The following WDR70 variants were observed in gnomAD, a reference collection of about 807,000 sequenced individuals.
WDR70 encodes WD repeat-containing protein 70.
In WDR70, 53 loss-of-function variants were observed where a neutral mutation model predicts 88.6. The observed-to-expected ratio is 0.60, with a 90% CI of 0.48 to 0.75. The LOEUF (loss-of-function observed/expected upper bound fraction) is 0.75. Among genes scored for constraint, WDR70 ranks in the 30% least tolerant of loss-of-function variants. The probability of loss-of-function intolerance (pLI) is 0.00; values close to 1 mark genes in which losing one functional copy is unlikely to be tolerated. For missense variants in WDR70, 610 were observed against 823.2 expected, an observed-to-expected ratio of 0.74 and a Z score of 3.17; for synonymous variants, 280 against 270.0, an observed-to-expected ratio of 1.04 and a Z score of -0.36.
At chr5:37,586,138 C>T (rs920205282) in intron 9 of WDR70, among the ~76,000 whole-genome samples, 2 of 152,180 alleles carry the variant, frequency 1.3e-5, no homozygotes, top group Non-Finnish European at 2.9e-5. Flanking sequence ...TTCTGGCATC[C>T]TCAATTCCAT....
chr5:37,667,844 GAAAAAAAAAAAA>G (rs70978835), intron 10 of WDR70, among the ~76,000 whole-genome samples: 92 of 82,722 alleles, frequency 1.1e-3, no homozygotes, highest in African/African-American at 2.5e-3. Flanking sequence ...TGTACGATCT[GAAAAAAAAAAAA>G]AAAAAAAAAA....
In WDR70 at chr5:37,679,252, C is replaced by A. The variant is rs182907287; in HGVS notation, c.1093-18403C>A. 6.8e-3 allele frequency among the ~76,000 whole-genome samples: 1,029 copies of A among 152,312 alleles called. 15 individuals carry two copies. The highest frequency in any genetic ancestry group is 0.02 in the South Asian group (97 of 4,830). ...CAACTCGTCAGTGTCATTCTCCGTC[C>A]AGCTTTGTTCCATTGCTGGTGAGGA... On this transcript the variant is annotated intron_variant, in intron 10 of 17. Transcript: ENST00000265107.
intron 3 of WDR70, among the ~76,000 whole-genome samples, chr5:37,389,593 T>C (rs1315354008): frequency 6.6e-6 from 1 of 152,078 alleles, no homozygotes; most frequent in Non-Finnish European, 1.5e-5. Context: ...TTTGTATTTT[T>C]AGTAGAGACG....
At chr5:37,672,357 G>C (rs1248969071) in intron 10 of WDR70, among the ~76,000 whole-genome samples, 1 of 152,112 alleles carries the variant, frequency 6.6e-6, no homozygotes, top group East Asian at 1.9e-4. Flanking sequence ...AAGTCCTCTT[G>C]TGGTTGAGAT....
chr5:37,599,779 G>C (rs1743809112), intron 9 of WDR70, among the ~76,000 whole-genome samples: 2 of 151,956 alleles, frequency 1.3e-5, no homozygotes, highest in South Asian at 2.1e-4. Flanking sequence ...TGTACTCCTA[G>C]CTACTCAAGG....
At chr5:37,667,467 ATTC>A (rs1489549231) in intron 10 of WDR70, among the ~76,000 whole-genome samples, 1 of 152,230 alleles carries the variant, frequency 6.6e-6, no homozygotes, top group African/African-American at 2.4e-5. Flanking sequence ...GCCATTTAAA[ATTC>A]TTACTGAATC....
intron 7 of WDR70, among the ~76,000 whole-genome samples, chr5:37,467,532 G>A (rs1311662385): frequency 1.0e-5 from 1 of 95,568 alleles, no homozygotes; most frequent in South Asian, 5.6e-4. Flanking sequence ...TTTATCATAT[G>A]AATTTTTTTT....
chr5:37,389,307 T>A (rs1280706193), intron 3 of WDR70, among the ~76,000 whole-genome samples: 1 of 137,506 alleles, frequency 7.3e-6, no homozygotes, highest in African/African-American at 3.6e-5. Context: ...GAGACCAGGC[T>A]GGTCTCGAAC....
intron 9 of WDR70, among the ~76,000 whole-genome samples, chr5:37,581,627 G>A (rs1743219088): frequency 6.6e-6 from 1 of 152,124 alleles, no homozygotes; most frequent in Non-Finnish European, 1.5e-5. Flanking sequence ...AGCTCTCTGG[G>A]TAGGGGTAAA....
chr5:37,737,540 G>C lies in WDR70; in HGVS notation c.1877+10495G>C, dbSNP rs1748336690. 3.9e-5 allele frequency among the ~76,000 whole-genome samples: 6 copies of C among 152,210 alleles called. No individual in the cohort carries two copies. In the South Asian group the frequency reaches 1.2e-3, roughly 32 times the overall value. On this transcript the variant is annotated intron_variant, in intron 17 of 17. Coordinates refer to ENST00000265107, the MANE Select transcript of WDR70 (RefSeq NM_018034.4). ...CTTCAGCTCCGCCACCCCCTGGCGAGTTACCTTCACTGAGGCTGTTTTCCT... is the reference window on the plus strand; with the variant it reads ...CTTCAGCTCCGCCACCCCCTGGCGACTTACCTTCACTGAGGCTGTTTTCCT...
At chr5:37,591,051 G>A (rs916047893) in intron 9 of WDR70, among the ~76,000 whole-genome samples, 10 of 152,134 alleles carry the variant, frequency 6.6e-5, no homozygotes, top group Non-Finnish European at 1.2e-4. Flanking sequence ...GATTAAAAAA[G>A]GAGACCAGGT....
intron 16 of WDR70, among the ~76,000 whole-genome samples, chr5:37,725,314 C>T (rs1581529209): frequency 6.6e-6 from 1 of 151,962 alleles, no homozygotes; most frequent in African/African-American, 2.4e-5. Flanking sequence ...TAGAGTTTTC[C>T]TAGCTGGCCT....
At chr5:37,403,056 C>T (rs567374476) in intron 5 of WDR70, among the ~76,000 whole-genome samples, 120 of 145,172 alleles carry the variant, frequency 8.3e-4, no homozygotes, top group African/African-American at 1.2e-3. Context: ...AAGCCATTCT[C>T]GTGCCTCAGC....
chr5:37,441,813 G>T (rs1324207313), intron 6 of WDR70, among the ~76,000 whole-genome samples: 1 of 152,020 alleles, frequency 6.6e-6, no homozygotes, highest in Non-Finnish European at 1.5e-5. Flanking sequence ...GTGAGACTCT[G>T]TCTCAAAAAA....
intron 10 of WDR70, among the ~76,000 whole-genome samples, chr5:37,641,361 C>G (rs907789205): frequency 2.7e-5 from 4 of 150,928 alleles, no homozygotes; most frequent in African/African-American, 9.7e-5. Flanking sequence ...CCACCTCAAC[C>G]TCCCCAAGTG....
intron 12 of WDR70, among the ~76,000 whole-genome samples, chr5:37,701,389 C>T (rs571631546): frequency 5.9e-5 from 9 of 152,084 alleles, no homozygotes; most frequent in South Asian, 2.1e-4. Context: ...ATTGTATGCA[C>T]GCACAAGTCT....
chr5:37,506,606 T>C lies in WDR70; in HGVS notation c.841-9908T>C, dbSNP rs57825896. ...ATGTTAGCCACTCTGTGTGGAATCC[T>C]AACAATCCTTCAGGAGGCTTAGAAT... On this transcript the variant is annotated intron_variant, in intron 8 of 17. Transcript: ENST00000265107. 3,597 of 776,636 alleles carry C rather than the reference T, an allele frequency of 4.6e-3. 79 individuals carry two copies. In the African/African-American group the frequency reaches 0.053, roughly 11 times the overall value. 48.1% of individuals were successfully genotyped at this position (776,636 alleles called of 1,614,324 possible).
At chr5:37,646,611 T>C (rs1388908290) in intron 10 of WDR70, among the ~76,000 whole-genome samples, 1 of 152,168 alleles carries the variant, frequency 6.6e-6, no homozygotes, top group Non-Finnish European at 1.5e-5. Flanking sequence ...TCTTTCATGT[T>C]TGAAGGATAT....
At chr5:37,462,550 C>A (rs550551591) in intron 7 of WDR70, among the ~76,000 whole-genome samples, 1 of 152,228 alleles carries the variant, frequency 6.6e-6, no homozygotes, top group Non-Finnish European at 1.5e-5. Flanking sequence ...GATCCGCCCG[C>A]CTCGGCCTCC....
Sources: gnomAD v4.1 joint callset for allele counts (sites outside exome capture counted in the v4.1 genomes callset) on GRCh38, gnomAD v4.1.1 for gene constraint, MANE v1.5 for transcripts, NCBI Gene and HGNC (gene_info 2026-07-23, HGNC 2026-07-21) for gene names.